The following CYP2C18 variants were observed in gnomAD, a reference collection of about 807,000 sequenced individuals.
CYP2C18 encodes cytochrome P450 2C18.
A neutral mutation model predicts 41.3 loss-of-function variants in CYP2C18; 38 were observed. The observed-to-expected ratio is 0.92, with a 90% CI of 0.71 to 1.21. The LOEUF is 1.21. CYP2C18 is among the 50% of genes most tolerant of loss of function. The pLI, the probability that CYP2C18 is intolerant of heterozygous loss-of-function variation, is 0.00. For synonymous variants in CYP2C18, 236 were observed against 210.0 expected (o/e 1.12, Z -1.07); for missense variants, 635 against 591.4 (o/e 1.07, Z -0.77).
chr10:94,717,945 G>A (rs940967943), intron 5 of CYP2C18, among the ~76,000 whole-genome samples: 1 of 151,858 alleles, frequency 6.6e-6, no homozygotes, highest in African/African-American at 2.4e-5. Flanking sequence ...GTATTTTTGT[G>A]GTTCTATATG....
At position 94,720,557 on chromosome 10, in the gene CYP2C18, G is replaced by A. The variant is rs369975131; in HGVS notation, c.961+20G>A. 1 of 1,602,834 alleles carries A rather than the reference G, an allele frequency of 6.2e-7. No individual in the cohort carries two copies. The highest frequency in any genetic ancestry group is 1.3e-5 in the African/African-American group (1 of 74,534). Reference sequence around the variant, plus strand: ...TCACAGGTATGATGATACCATAGGTGAGCAGGGTGATTTTCAGAAAAGATG... The same window carrying A: ...TCACAGGTATGATGATACCATAGGTAAGCAGGGTGATTTTCAGAAAAGATG... On this transcript the variant is annotated intron_variant, in intron 6 of 8. Coordinates refer to ENST00000285979, the MANE Select transcript of CYP2C18 (RefSeq NM_000772.3).
chr10:94,725,144 G>C (rs1438937601), intron 7 of CYP2C18, among the ~76,000 whole-genome samples: 1 of 149,590 alleles, frequency 6.7e-6, no homozygotes, highest in Non-Finnish European at 1.5e-5. Flanking sequence ...ACAGAGTCTT[G>C]CTATGTTGCA....
In CYP2C18 at chr10:94,735,343, C is replaced by G; in HGVS notation, c.1372C>G (p.Leu458Val). The G allele has an allele frequency of 6.2e-7, 1 of 1,613,718 alleles. No individual in the cohort carries two copies. Among genetic ancestry groups the G allele is most frequent in the East Asian group, 2.2e-5 (1 of 44,870 alleles). Residue 458 changes from leucine to valine, a missense_variant, in exon 9 of 9, where the codon CTG (leucine) becomes GTG (valine). By Grantham distance (32) the Leu-to-Val change is conservative (BLOSUM62 1). Coordinates refer to ENST00000285979, the MANE Select transcript of CYP2C18 (RefSeq NM_000772.3). Reference protein sequence around the residue: ...FLTTILQNFNLKSQVDPKDID... With the variant: ...FLTTILQNFNVKSQVDPKDID... ...GACCACCATTTTGCAGAACTTTAAC[C>G]TGAAATCTCAGGTTGACCCAAAGGA...
At chr10:94,685,212 T>C (rs1846864145) in intron 1 of CYP2C18, among the ~76,000 whole-genome samples, 1 of 152,002 alleles carries the variant, frequency 6.6e-6, no homozygotes, top group African/African-American at 2.4e-5. Context: ...TTTTTAATGC[T>C]TTGTAGAGAT....
chr10:94,733,399 A>T lies in CYP2C18; in HGVS notation c.1252A>T (p.Asn418Tyr), dbSNP rs1313732133. Residue 418 changes from asparagine to tyrosine, a missense_variant, in exon 8 of 9, where the codon AAC becomes TAC. Physicochemically the swap from Asn to Tyr is moderately radical, Grantham distance 143. Coordinates refer to ENST00000285979, the MANE Select transcript of CYP2C18 (RefSeq NM_000772.3). Reference sequence around the variant, plus strand: ...TGGCCACTTTCTGGATAAGAGTGGCAACTTTAAGAAAAGTGACTACTTCAT... The same window carrying T: ...TGGCCACTTTCTGGATAAGAGTGGCTACTTTAAGAAAAGTGACTACTTCAT... ...DPGHFLDKSG[N>Y]FKKSDYFMPF... is the part of the protein sequence containing the mutation. 1 of 1,613,398 alleles carries T rather than the reference A, an allele frequency of 6.2e-7. No homozygotes were observed. The highest frequency in any genetic ancestry group is 2.2e-5 in the East Asian group (1 of 44,832).
intron 4 of CYP2C18, among the ~76,000 whole-genome samples, chr10:94,695,338 TG>T (rs749588496): frequency 2.0e-5 from 3 of 152,046 alleles, no homozygotes; most frequent in Non-Finnish European, 4.4e-5. Flanking sequence ...TTCCCCTCCC[TG>T]TGCCCATGTG....
intron 3 of CYP2C18, among the ~76,000 whole-genome samples, chr10:94,692,065 A>G (rs560681137): frequency 1.3e-5 from 2 of 152,348 alleles, no homozygotes; most frequent in Admixed American, 1.3e-4. Context: ...TAAAACCATA[A>G]AAATCCTAGA....
intron 5 of CYP2C18, among the ~76,000 whole-genome samples, chr10:94,715,963 A>T (rs1847534501): frequency 6.6e-6 from 1 of 152,158 alleles, no homozygotes; most frequent in African/African-American, 2.4e-5. Context: ...TTTCTAATTT[A>T]TTTGCGTAGA....
intron 4 of CYP2C18, among the ~76,000 whole-genome samples, chr10:94,696,580 C>T (rs1452248441): frequency 6.6e-6 from 1 of 152,110 alleles, no homozygotes; most frequent in Non-Finnish European, 1.5e-5. Context: ...TGCCTCTCCT[C>T]CCCCAAAGGA....
chr10:94,701,309 G>T (rs1847239372), intron 4 of CYP2C18, among the ~76,000 whole-genome samples: 1 of 152,132 alleles, frequency 6.6e-6, no homozygotes, highest in Non-Finnish European at 1.5e-5. Context: ...ATGAGTTCAT[G>T]TCCTTTGTAA....
intron 3 of CYP2C18, among the ~76,000 whole-genome samples, chr10:94,693,435 C>A (rs1205493002): frequency 6.6e-6 from 1 of 152,156 alleles, no homozygotes; most frequent in African/African-American, 2.4e-5. Flanking sequence ...GCCAATTAAA[C>A]CTCTTTTCTT....
chr10:94,733,246 C>G (rs1847863824), intron 7 of CYP2C18, 51 bp from the exon 8 acceptor site: 1 of 1,556,578 alleles, frequency 6.4e-7, no homozygotes, highest in African/African-American at 1.4e-5. Flanking sequence ...ATCACTTCTT[C>G]CCACTCTTTG....
At chr10:94,724,209 A>G in intron 6 of CYP2C18, 137 bp from the exon 7 acceptor site, 1 of 816,020 alleles carries the variant, frequency 1.2e-6, no homozygotes, top group African/African-American at 1.7e-5. Context: ...TTTCTTCCCT[A>G]AGTCTAGGTG....
intron 6 of CYP2C18, among the ~76,000 whole-genome samples, chr10:94,724,130 T>C (rs1204357075): frequency 1.3e-5 from 2 of 151,820 alleles, no homozygotes; most frequent in East Asian, 3.9e-4. Flanking sequence ...TATGCTAATA[T>C]GTAGGTGGTT....
At chr10:94,717,742 C>G (rs1199869867) in intron 5 of CYP2C18, among the ~76,000 whole-genome samples, 1 of 152,020 alleles carries the variant, frequency 6.6e-6, no homozygotes, top group Non-Finnish European at 1.5e-5. Context: ...ATTCTTGGTA[C>G]CTTTGTCTAA....
chr10:94,693,869 C>T (rs556724928), intron 3 of CYP2C18, among the ~76,000 whole-genome samples: 12 of 152,230 alleles, frequency 7.9e-5, no homozygotes, highest in African/African-American at 2.9e-4. Context: ...AAAAATTGCC[C>T]TTTCCTCTTA....
At chr10:94,689,336 T>C (rs1001476869) in intron 3 of CYP2C18, among the ~76,000 whole-genome samples, 6 of 151,924 alleles carry the variant, frequency 3.9e-5, no homozygotes, top group Non-Finnish European at 8.8e-5. Flanking sequence ...TTTACTTGTG[T>C]ATTAATCATG....
At chr10:94,731,398 A>C (rs1255813326) in intron 7 of CYP2C18, among the ~76,000 whole-genome samples, 1 of 152,038 alleles carries the variant, frequency 6.6e-6, no homozygotes, top group Non-Finnish European at 1.5e-5. Flanking sequence ...AATAAAATAA[A>C]AAAATAAAGG....
intron 5 of CYP2C18, among the ~76,000 whole-genome samples, chr10:94,709,995 T>C (rs892994599): frequency 2.0e-5 from 3 of 152,200 alleles, no homozygotes; most frequent in African/African-American, 7.2e-5. Context: ...CTTTTTTTTT[T>C]TGAGACAGGG....
Sources: gnomAD v4.1 joint callset for allele counts (sites outside exome capture counted in the v4.1 genomes callset) on GRCh38, gnomAD v4.1.1 for gene constraint, MANE v1.5 for transcripts, NCBI Gene and HGNC (gene_info 2026-07-23, HGNC 2026-07-21) for gene names.